The following NEGR1 variants were observed in gnomAD, a reference collection of about 807,000 sequenced individuals.
The protein encoded by NEGR1 is neuronal growth regulator 1, also known as IgLON family member 4.
A neutral mutation model predicts 40.9 loss-of-function variants in NEGR1; 10 were observed. The ratio of observed to expected loss-of-function variants is 0.24; its 90% CI spans 0.15 to 0.42. NEGR1 has a LOEUF of 0.42. NEGR1 is among the 10% of genes least tolerant of loss of function. NEGR1 has a pLI of 1.00. For synonymous variants in NEGR1, 185 were observed against 166.8 expected (o/e 1.11, Z -0.84); for missense variants, 352 against 438.9 (o/e 0.80, Z 1.77).
At chr1:71,796,969 C>T (rs976772302) in intron 2 of NEGR1, among the ~76,000 whole-genome samples, 2 of 152,048 alleles carry the variant, frequency 1.3e-5, no homozygotes, top group South Asian at 4.1e-4. Context: ...GTCATTTTTA[C>T]AGCACATATT....
intron 4 of NEGR1, among the ~76,000 whole-genome samples, chr1:71,669,371 G>GT (rs1190396129): frequency 2.6e-5 from 4 of 151,780 alleles, no homozygotes; most frequent in Non-Finnish European, 4.4e-5. Flanking sequence ...AATTCTACTT[G>GT]TTTTTTAAAA....
intron 1 of NEGR1, among the ~76,000 whole-genome samples, chr1:72,030,817 G>T (rs1646851843): frequency 6.6e-6 from 1 of 151,914 alleles, no homozygotes; most frequent in Admixed American, 6.6e-5. Context: ...TGTTTACAAG[G>T]ATCATACAAA....
chr1:71,571,773 G>A (rs978926835), intron 6 of NEGR1, among the ~76,000 whole-genome samples: 7 of 137,722 alleles, frequency 5.1e-5, no homozygotes, highest in Non-Finnish European at 1.1e-4. Flanking sequence ...GGGTGACAGA[G>A]GGAGCCCCTG....
At chr1:71,838,040 T>C (rs555540236) in intron 2 of NEGR1, among the ~76,000 whole-genome samples, 5 of 152,256 alleles carry the variant, frequency 3.3e-5, no homozygotes, top group Admixed American at 1.3e-4. Context: ...TTTGTTCACA[T>C]TGTTTGAGGT....
rs1010916176 is a variant in NEGR1, at chr1:71,728,592, GC to G, written c.536-30454del. ...AAATCTTTCACCAAAATCTAACGTT[GC>G]TTTTTTCTCTTTTGATTTTCGAGTA... On this transcript the variant is annotated intron_variant, in intron 3 of 6. Transcript: ENST00000357731. 8.7e-4 allele frequency among the ~76,000 whole-genome samples: 132 copies of G among 152,014 alleles called. 2 individuals are homozygous for G. Among genetic ancestry groups the G allele is most frequent in the African/African-American group, 3.2e-3 (131 of 41,398 alleles).
intron 6 of NEGR1, among the ~76,000 whole-genome samples, chr1:71,417,301 AC>A (rs1646362651): frequency 6.6e-6 from 1 of 152,168 alleles, no homozygotes. Context: ...ACTATTTATT[AC>A]AGAGAATGGA....
chr1:71,915,193 A>C (rs1661539394), intron 2 of NEGR1, among the ~76,000 whole-genome samples: 1 of 152,182 alleles, frequency 6.6e-6, no homozygotes, highest in Non-Finnish European at 1.5e-5. Flanking sequence ...GATTTTAAAA[A>C]GTGACTAAGT....
At chr1:71,894,085 G>C (rs532667073) in intron 2 of NEGR1, among the ~76,000 whole-genome samples, 1 of 114,016 alleles carries the variant, frequency 8.8e-6, no homozygotes, top group Non-Finnish European at 1.8e-5. Flanking sequence ...GGTCGGGGGA[G>C]GGGGGAGGGA....
At chr1:71,928,505 T>TAC (rs1158521769) in intron 2 of NEGR1, among the ~76,000 whole-genome samples, 1 of 135,504 alleles carries the variant, frequency 7.4e-6, no homozygotes, top group African/African-American at 2.7e-5. Context: ...CACATATGTA[T>TAC]ACATGTGTAT....
intron 6 of NEGR1, among the ~76,000 whole-genome samples, chr1:71,542,748 C>G (rs1647756929): frequency 6.6e-6 from 1 of 151,694 alleles, no homozygotes; most frequent in South Asian, 2.1e-4. Flanking sequence ...TATGCCAGGG[C>G]AGGTGGTATC....
chr1:71,974,211 G>A (rs1175042305), intron 1 of NEGR1, among the ~76,000 whole-genome samples: 5 of 152,154 alleles, frequency 3.3e-5, no homozygotes, highest in African/African-American at 1.2e-4. Context: ...TGGACATGCT[G>A]ATTTTCCATA....
At chr1:72,020,321 A>G (rs538512306) in intron 1 of NEGR1, among the ~76,000 whole-genome samples, 237 of 152,312 alleles carry the variant, frequency 1.6e-3, no homozygotes, top group African/African-American at 5.3e-3. Flanking sequence ...TGAAGGCAAC[A>G]GACAAGATCT....
chr1:71,960,983 T>C (rs1257077174), intron 1 of NEGR1, among the ~76,000 whole-genome samples: 1 of 152,204 alleles, frequency 6.6e-6, no homozygotes, highest in Non-Finnish European at 1.5e-5. Context: ...CTATGGTTTG[T>C]ATAATTTGAT....
chr1:72,169,323 T>C (rs1198929210), intron 1 of NEGR1, among the ~76,000 whole-genome samples: 2 of 152,152 alleles, frequency 1.3e-5, no homozygotes, highest in Non-Finnish European at 2.9e-5. Context: ...ATCAGCAAGA[T>C]GTAACTTTCA....
At chr1:71,966,228 T>C (rs1451624934) in intron 1 of NEGR1, among the ~76,000 whole-genome samples, 1 of 152,202 alleles carries the variant, frequency 6.6e-6, no homozygotes, top group Non-Finnish European at 1.5e-5. Context: ...TACCTCTTGT[T>C]TAATTACAGC....
At chr1:72,049,905 C>T (rs998414824) in intron 1 of NEGR1, among the ~76,000 whole-genome samples, 22 of 151,564 alleles carry the variant, frequency 1.5e-4, no homozygotes, top group African/African-American at 5.3e-4. Context: ...ATATCAGGCT[C>T]TGGGTAATGT....
chr1:72,277,447 C>G (rs1021037977), intron 1 of NEGR1, among the ~76,000 whole-genome samples: 2 of 152,154 alleles, frequency 1.3e-5, no homozygotes, highest in Non-Finnish European at 2.9e-5. Context: ...AAGATCTATA[C>G]AACTACATGG....
At chr1:71,619,331 T>C (rs1650543350) in intron 4 of NEGR1, among the ~76,000 whole-genome samples, 1 of 152,122 alleles carries the variant, frequency 6.6e-6, no homozygotes, top group South Asian at 2.1e-4. Context: ...ACTCCCTCCA[T>C]TGCTCTGTGA....
intron 1 of NEGR1, among the ~76,000 whole-genome samples, chr1:72,087,653 CCT>C (rs1421241577): frequency 6.6e-6 from 1 of 151,220 alleles, no homozygotes; most frequent in Non-Finnish European, 1.5e-5. Context: ...ACAAGATCCC[CCT>C]GTGTTGCCCA....
Sources: allele counts gnomAD v4.1 joint callset (sites outside exome capture counted in the v4.1 genomes callset), GRCh38; gene constraint gnomAD v4.1.1; transcripts MANE v1.5; gene names NCBI Gene and HGNC (gene_info 2026-07-23, HGNC 2026-07-21).